Variants in GALNTL6 observed in about 807,000 individuals in gnomAD.
GALNTL6 encodes polypeptide N-acetylgalactosaminyltransferase-like 6.
GALNTL6 carries 46 observed loss-of-function variants against 73.7 expected under a neutral mutation model. That is an observed-to-expected ratio of 0.62 (90% CI 0.49 to 0.80). The LOEUF (loss-of-function observed/expected upper bound fraction) is 0.80, where lower values mean the gene tolerates loss of function less well. Ranked by LOEUF, GALNTL6 falls within the 30% of genes least tolerant of loss-of-function variation. The pLI is 0.00. For missense variants in GALNTL6, 604 were observed against 755.0 expected, an observed-to-expected ratio of 0.80 and a Z score of 2.34; for synonymous variants, 259 against 263.7, an observed-to-expected ratio of 0.98 and a Z score of 0.17.
chr4:172,403,657 A>G (rs1744117370), intron 5 of GALNTL6, among the ~76,000 whole-genome samples: 1 of 152,044 alleles, frequency 6.6e-6, no homozygotes, highest in Non-Finnish European at 1.5e-5. Context: ...CTGAAGGAGC[A>G]TATATTTGCA....
intron 11 of GALNTL6, among the ~76,000 whole-genome samples, chr4:173,013,371 C>T (rs1024867482): frequency 6.6e-6 from 1 of 152,146 alleles, no homozygotes; most frequent in African/African-American, 2.4e-5. Context: ...ACACACATGG[C>T]CAGCTGGTGA....
chr4:171,843,574 AC>A, intron 2 of GALNTL6, among the ~76,000 whole-genome samples: 1 of 152,266 alleles, frequency 6.6e-6, no homozygotes. Context: ...TGTGCTTTTA[AC>A]CGCAAATGGG....
chr4:172,248,426 C>A (rs781534950), intron 3 of GALNTL6, among the ~76,000 whole-genome samples: 2 of 152,128 alleles, frequency 1.3e-5, no homozygotes, highest in Non-Finnish European at 2.9e-5. Context: ...GACTAACACT[C>A]ATTGTGTCCC....
intron 2 of GALNTL6, among the ~76,000 whole-genome samples, chr4:172,081,062 T>C (rs1051169742): frequency 6.6e-6 from 1 of 152,144 alleles, no homozygotes; most frequent in Admixed American, 6.5e-5. Flanking sequence ...ACATTTTGAA[T>C]GTACTATGTT....
intron 2 of GALNTL6, among the ~76,000 whole-genome samples, chr4:172,206,792 G>GTT (rs1560969239): frequency 2.9e-5 from 1 of 34,476 alleles, no homozygotes; most frequent in East Asian, 4.2e-3. Flanking sequence ...GTTTTGTTTT[G>GTT]TTTTGTTTTT....
chr4:173,032,495 G>A (rs1753511623), intron 12 of GALNTL6, among the ~76,000 whole-genome samples: 1 of 151,666 alleles, frequency 6.6e-6, no homozygotes, highest in African/African-American at 2.4e-5. Context: ...ATCCCAGCCT[G>A]GGCAACATGG....
At chr4:172,615,853 A>T (rs1300027867) in intron 5 of GALNTL6, among the ~76,000 whole-genome samples, 1 of 152,206 alleles carries the variant, frequency 6.6e-6, no homozygotes, top group African/African-American at 2.4e-5. Flanking sequence ...AAGGTAAGAC[A>T]ATCAATTTAG....
intron 7 of GALNTL6, among the ~76,000 whole-genome samples, chr4:172,872,595 T>A (rs1014060224): frequency 2.0e-5 from 3 of 152,172 alleles, no homozygotes; most frequent in African/African-American, 7.2e-5. Flanking sequence ...GAATAGCACA[T>A]TGTTTAGCCT....
At chr4:172,871,793 G>C (rs1026516686) in intron 7 of GALNTL6, among the ~76,000 whole-genome samples, 3 of 56,412 alleles carry the variant, frequency 5.3e-5, no homozygotes, top group African/African-American at 1.9e-4. Flanking sequence ...GTTTTTTGGG[G>C]TTTTTTTGGT....
At chr4:172,415,129 T>C (rs991301843) in intron 5 of GALNTL6, among the ~76,000 whole-genome samples, 1 of 152,222 alleles carries the variant, frequency 6.6e-6, no homozygotes, top group African/African-American at 2.4e-5. Context: ...GTCGTCAAAG[T>C]AATTACAGAA....
intron 3 of GALNTL6, 35 bp from the exon 4 acceptor site, chr4:172,311,579 A>G (rs1417358130): frequency 3.8e-6 from 6 of 1,569,548 alleles, no homozygotes; most frequent in Non-Finnish European, 5.2e-6. Flanking sequence ...TGGCTTTTAT[A>G]GAGATGATAA....
intron 2 of GALNTL6, among the ~76,000 whole-genome samples, chr4:171,882,642 G>T (rs556115740): frequency 6.6e-6 from 1 of 152,180 alleles, no homozygotes; most frequent in East Asian, 1.9e-4. Flanking sequence ...AGAGTCTGAC[G>T]TTTGAGGGCA....
intron 5 of GALNTL6, among the ~76,000 whole-genome samples, chr4:172,618,131 C>G (rs1738815500): frequency 6.6e-6 from 1 of 152,098 alleles, no homozygotes; most frequent in African/African-American, 2.4e-5. Flanking sequence ...TTTCTGCTTT[C>G]CCTGTCACAC....
chr4:172,521,817 A>T (rs565301079), intron 5 of GALNTL6, among the ~76,000 whole-genome samples: 93 of 152,342 alleles, frequency 6.1e-4, no homozygotes, highest in African/African-American at 1.9e-3. Context: ...GGACTGAAAT[A>T]AAGTGAAATT....
chr4:172,339,219 G>A (rs1741456432), intron 4 of GALNTL6, among the ~76,000 whole-genome samples: 1 of 149,966 alleles, frequency 6.7e-6, no homozygotes, highest in Non-Finnish European at 1.5e-5. Context: ...TTCATCTCAG[G>A]GGAGCAGGCT....
At chr4:172,233,167 G>T (rs1030173769) in intron 3 of GALNTL6, among the ~76,000 whole-genome samples, 1 of 135,028 alleles carries the variant, frequency 7.4e-6, no homozygotes, top group African/African-American at 2.8e-5. Context: ...CCAGGAATTT[G>T]AAAGCAGCCT....
intron 2 of GALNTL6, among the ~76,000 whole-genome samples, chr4:172,122,302 T>C (rs1165578827): frequency 6.6e-6 from 1 of 152,020 alleles, no homozygotes; most frequent in Non-Finnish European, 1.5e-5. Flanking sequence ...AAAGTAGGCG[T>C]TAAAAGGGGA....
At position 171,929,619 on chromosome 4, in the gene GALNTL6, C is replaced by G. The variant is rs72621994; in HGVS notation, c.138+114901C>G. ...TCGAGCAGCTAGCCAGCCCACTGTA[C>G]GTGCTCGCTCCTGGCTTGGCAGCCA... On this transcript the variant is annotated intron_variant, in intron 2 of 12. Transcript: ENST00000506823. 1.2e-3 allele frequency among the ~76,000 whole-genome samples: 181 copies of G among 152,348 alleles called. 4 individuals carry two copies. In the East Asian group the frequency reaches 0.033, roughly 28 times the overall value.
At chr4:172,487,970 C>T (rs1733759523) in intron 5 of GALNTL6, among the ~76,000 whole-genome samples, 2 of 152,120 alleles carry the variant, frequency 1.3e-5, no homozygotes, top group African/African-American at 4.8e-5. Context: ...GGCATTTTCT[C>T]CCGCTTATTC....
Sources: gnomAD v4.1 joint callset for allele counts (sites outside exome capture counted in the v4.1 genomes callset) on GRCh38, gnomAD v4.1.1 for gene constraint, MANE v1.5 for transcripts, NCBI Gene and HGNC (gene_info 2026-07-23, HGNC 2026-07-21) for gene names.